The following DOCK7 variants were observed in gnomAD, a reference collection of about 807,000 sequenced individuals.
DOCK7 encodes dedicator of cytokinesis 7.
In DOCK7, 138 loss-of-function variants were observed where a neutral mutation model predicts 271.0. The observed-to-expected ratio is 0.51, with a 90% CI of 0.44 to 0.59. The LOEUF is 0.59. Among genes scored for constraint, DOCK7 ranks in the 20% least tolerant of loss-of-function variants. The probability of loss-of-function intolerance (pLI) is 0.00; values close to 1 mark genes in which losing one functional copy is unlikely to be tolerated. For missense variants in DOCK7, 2,066 were observed against 2,592.4 expected, an observed-to-expected ratio of 0.80 and a Z score of 4.41; for synonymous variants, 823 against 876.1, an observed-to-expected ratio of 0.94 and a Z score of 1.07.
At chr1:62,602,290 C>T in intron 14 of DOCK7, 2 of 1,606,224 alleles carry the variant, frequency 1.2e-6, no homozygotes, top group South Asian at 2.2e-5. Flanking sequence ...TTCAGGTAGT[C>T]CATGGACATT....
chr1:62,631,148 G>T, intron 11 of DOCK7, 92 bp downstream of exon 11: 1 of 1,170,848 alleles, frequency 8.5e-7, no homozygotes, highest in Non-Finnish European at 1.2e-6. Context: ...TCGTGCCACT[G>T]CCCTCCAGCC....
At chr1:62,555,718 T>C in intron 21 of DOCK7, 107 bp downstream of exon 21, 2 of 1,261,522 alleles carry the variant, frequency 1.6e-6, no homozygotes, top group South Asian at 3.1e-5. Context: ...TCAATAAATG[T>C]TTGCCTTTGA....
intron 14 of DOCK7, chr1:62,604,084 T>C: frequency 1.2e-6 from 2 of 1,613,428 alleles, no homozygotes; most frequent in Non-Finnish European, 1.7e-6. Context: ...AATATTCTTT[T>C]TACTTGGGAA....
chr1:62,648,597 T>C, intron 4 of DOCK7, 53 bp from the exon 5 acceptor site: 1 of 1,088,644 alleles, frequency 9.2e-7, no homozygotes, highest in South Asian at 2.9e-5. Flanking sequence ...TAGGAATTTT[T>C]TCACTTTTTG....
rs566764939 is a variant in DOCK7 at position 62,670,236 on chromosome 1, G to A, written c.39-7106C>T. ...CGAGCGCCACCCCCTGCTCCACAGC[G>A]CCCAGTCCCATCAACCACCCAAGGG... On this transcript the variant is annotated intron_variant, in intron 1 of 49. Transcript: ENST00000635253. Among the ~76,000 whole-genome samples the A allele has an allele frequency of 3.3e-3, 504 of 152,354 alleles. 3 individuals carry two copies. Among genetic ancestry groups the A allele is most frequent in the African/African-American group, 7.3e-3 (305 of 41,592 alleles).
chr1:62,519,722 G>C (rs940602475), intron 31 of DOCK7, among the ~76,000 whole-genome samples: 1 of 152,062 alleles, frequency 6.6e-6, no homozygotes, highest in Non-Finnish European at 1.5e-5. Flanking sequence ...GAAACCATTT[G>C]GGGAAGATGT....
chr1:62,560,057 G>T (rs1254788031), intron 19 of DOCK7, among the ~76,000 whole-genome samples: 2 of 152,102 alleles, frequency 1.3e-5, no homozygotes, highest in African/African-American at 4.8e-5. Flanking sequence ...CACTGGGAGA[G>T]GATTTTTGGA....
chr1:62,594,937 T>G (rs554029434), intron 14 of DOCK7, among the ~76,000 whole-genome samples: 1 of 152,290 alleles, frequency 6.6e-6, no homozygotes, highest in East Asian at 1.9e-4. Flanking sequence ...AATATGTATT[T>G]CATGACCAAT....
At chr1:62,668,924 CA>C (rs11308465) in intron 1 of DOCK7, among the ~76,000 whole-genome samples, 45,816 of 113,188 alleles carry the variant, frequency 0.4, 7,455 homozygotes, top group African/African-American at 0.54. Flanking sequence ...GACCTTGCCT[CA>C]AAAAAAAAAA....
At chr1:62,499,043 C>G (rs1177526029) in intron 37 of DOCK7, among the ~76,000 whole-genome samples, 2 of 152,144 alleles carry the variant, frequency 1.3e-5, no homozygotes, top group East Asian at 3.9e-4. Context: ...CTCAGGTGAT[C>G]CACCTGCCTC....
chr1:62,659,297 G>C (rs1252438796), intron 2 of DOCK7, among the ~76,000 whole-genome samples: 1 of 152,092 alleles, frequency 6.6e-6, no homozygotes, highest in Non-Finnish European at 1.5e-5. Context: ...AAATAGGTAA[G>C]GTTTCTACAC....
chr1:62,488,638 G>C, intron 42 of DOCK7: 2 of 336,432 alleles, frequency 5.9e-6, no homozygotes, highest in Non-Finnish European at 1.1e-5. Context: ...TCACAACTAT[G>C]ATCTACCTTG....
intron 8 of DOCK7, among the ~76,000 whole-genome samples, chr1:62,635,872 G>A (rs1213417673): frequency 1.3e-5 from 2 of 152,122 alleles, no homozygotes; most frequent in East Asian, 3.9e-4. Context: ...ACTTTGGCCT[G>A]CCAAAGTGCT....
chr1:62,583,072 C>T (rs1292231893), intron 16 of DOCK7, 112 bp downstream of exon 16: 2 of 809,860 alleles, frequency 2.5e-6, no homozygotes, highest in African/African-American at 1.7e-5. Flanking sequence ...TGATGTCAGC[C>T]TTGAATTTGG....
At chr1:62,630,608 C>T (rs1009111750) in intron 11 of DOCK7, among the ~76,000 whole-genome samples, 1 of 151,938 alleles carries the variant, frequency 6.6e-6, no homozygotes, top group Non-Finnish European at 1.5e-5. Flanking sequence ...AAATGAGTAC[C>T]CAAAACTCCC....
intron 4 of DOCK7, among the ~76,000 whole-genome samples, chr1:62,652,741 A>C (rs1229390591): frequency 6.6e-6 from 1 of 152,208 alleles, no homozygotes; most frequent in East Asian, 1.9e-4. Context: ...ACAGAGGTAA[A>C]GACTTTTGAA....
chr1:62,663,183 A>C, intron 1 of DOCK7, 53 bp from the exon 2 acceptor site: 1 of 1,360,724 alleles, frequency 7.3e-7, no homozygotes, highest in Non-Finnish European at 1.0e-6. Flanking sequence ...AAAAAACTAA[A>C]CTAGTTTAAA....
At chr1:62,567,519 G>A (rs1423818546) in intron 18 of DOCK7, among the ~76,000 whole-genome samples, 1 of 151,904 alleles carries the variant, frequency 6.6e-6, no homozygotes, top group Non-Finnish European at 1.5e-5. Flanking sequence ...GACACAGGGA[G>A]GGGAACATCA....
At chr1:62,600,436 C>G (rs182009868) in intron 14 of DOCK7, among the ~76,000 whole-genome samples, 23 of 151,832 alleles carry the variant, frequency 1.5e-4, no homozygotes, top group African/African-American at 5.3e-4. Flanking sequence ...AAAAAACTAA[C>G]ACTAATAATG....
Sources: allele counts gnomAD v4.1 joint callset (sites outside exome capture counted in the v4.1 genomes callset), GRCh38; gene constraint gnomAD v4.1.1; transcripts MANE v1.5; gene names NCBI Gene and HGNC (gene_info 2026-07-23, HGNC 2026-07-21).